FLT1: variants seen among roughly 807,000 people sequenced by gnomAD.
FLT1 encodes vascular endothelial growth factor receptor 1.
Under a neutral mutation model 156.3 loss-of-function variants are expected in FLT1, and 49 were observed. The ratio of observed to expected loss-of-function variants is 0.31; its 90% CI spans 0.25 to 0.40. The LOEUF (loss-of-function observed/expected upper bound fraction) is 0.40, where lower values mean the gene tolerates loss of function less well. Ranked by LOEUF, FLT1 falls within the 10% of genes least tolerant of loss-of-function variation. The pLI is 1.00. For synonymous variants in FLT1, 594 were observed against 583.8 expected, an observed-to-expected ratio of 1.02 and a Z score of -0.25; for missense variants, 1,322 against 1,637.2, an observed-to-expected ratio of 0.81 and a Z score of 3.32.
chr13:28,426,102 T>C (rs1030443408), intron 10 of FLT1, among the ~76,000 whole-genome samples: 2 of 151,964 alleles, frequency 1.3e-5, no homozygotes, highest in African/African-American at 4.8e-5. Context: ...TATGTTAGGA[T>C]TATGCTTTGT....
intron 25 of FLT1, among the ~76,000 whole-genome samples, chr13:28,312,594 G>A (rs1052645515): frequency 2.6e-5 from 4 of 152,112 alleles, no homozygotes; most frequent in African/African-American, 9.7e-5. Context: ...TTGTAACAAA[G>A]GTTGGTTTGA....
intron 15 of FLT1, among the ~76,000 whole-genome samples, chr13:28,346,787 T>A (rs1392048501): frequency 1.3e-5 from 2 of 152,174 alleles, no homozygotes; most frequent in Non-Finnish European, 2.9e-5. Context: ...CAAGTGAAAT[T>A]TTCTTTTTAG....
At chr13:28,346,496 G>A (rs1484279250) in intron 15 of FLT1, among the ~76,000 whole-genome samples, 1 of 151,906 alleles carries the variant, frequency 6.6e-6, no homozygotes, top group Non-Finnish European at 1.5e-5. Context: ...AAGGAGGGAA[G>A]ATTGCTGGAG....
At chr13:28,440,056 T>C (rs998897206) in intron 3 of FLT1, among the ~76,000 whole-genome samples, 1 of 152,144 alleles carries the variant, frequency 6.6e-6, no homozygotes, top group Non-Finnish European at 1.5e-5. Context: ...ATGTTAATTA[T>C]TCCCACTCAT....
intron 18 of FLT1, among the ~76,000 whole-genome samples, chr13:28,330,326 G>A (rs1184566116): frequency 6.6e-6 from 1 of 152,194 alleles, no homozygotes; most frequent in East Asian, 1.9e-4. Context: ...AGAATTAGCA[G>A]AGTCTAAAGC....
intron 1 of FLT1, among the ~76,000 whole-genome samples, chr13:28,493,842 G>GC (rs1881596080): frequency 6.6e-6 from 1 of 152,264 alleles, no homozygotes; most frequent in African/African-American, 2.4e-5. Context: ...CAAACGCCCA[G>GC]CGAAGGCTGA....
At chr13:28,451,314 T>G (rs574928650) in intron 3 of FLT1, among the ~76,000 whole-genome samples, 1 of 152,306 alleles carries the variant, frequency 6.6e-6, no homozygotes, top group Non-Finnish European at 1.5e-5. Context: ...TCCCAGCTAC[T>G]CGGGAGGCTG....
intron 15 of FLT1, among the ~76,000 whole-genome samples, chr13:28,356,944 C>T (rs796715783): frequency 2.0e-5 from 3 of 152,278 alleles, no homozygotes; most frequent in African/African-American, 7.2e-5. Flanking sequence ...TAGGATTAGG[C>T]CTCTTTGTAT....
At chr13:28,453,019 CCCCTCCCCTT>C (rs1879044947) in intron 3 of FLT1, among the ~76,000 whole-genome samples, 2 of 31,404 alleles carry the variant, frequency 6.4e-5, no homozygotes, top group African/African-American at 2.2e-4. Context: ...CCTCCCCCTC[CCCCTCCCCTT>C]TCCTTTCCTT....
chr13:28,438,571 T>C (rs1878165810), intron 3 of FLT1, among the ~76,000 whole-genome samples: 1 of 152,212 alleles, frequency 6.6e-6, no homozygotes, highest in Non-Finnish European at 1.5e-5. Flanking sequence ...TGTTGGCCTC[T>C]GATCAGATTG....
At chr13:28,427,382 ACACATGAAGGAC>A in intron 9 of FLT1, 64 bp from the exon 10 acceptor site, 1 of 1,464,654 alleles carries the variant, frequency 6.8e-7, no homozygotes, top group Non-Finnish European at 9.6e-7. Flanking sequence ...CTCCTGGGCC[ACACATGAAGGAC>A]CACATTCTCA....
chr13:28,398,712 G>A (rs1025326695), intron 11 of FLT1, among the ~76,000 whole-genome samples: 2 of 152,110 alleles, frequency 1.3e-5, no homozygotes, highest in African/African-American at 4.8e-5. Context: ...TGCAATATGT[G>A]GCAGACAATT....
chr13:28,386,306 G>C (rs1874356893), intron 13 of FLT1: 2 of 1,032,368 alleles, frequency 1.9e-6, no homozygotes, highest in Middle Eastern at 8.8e-4. Flanking sequence ...AGAAATCCCA[G>C]GTTAAAATGT....
intron 3 of FLT1, among the ~76,000 whole-genome samples, chr13:28,451,040 G>C (rs527932854): frequency 6.6e-5 from 10 of 152,186 alleles, no homozygotes; most frequent in Non-Finnish European, 1.3e-4. Flanking sequence ...GACTCACCGC[G>C]GAAACCAAGC....
intron 1 of FLT1, among the ~76,000 whole-genome samples, chr13:28,473,769 GGAAGGAAGGAAAGAAAGAAAGAAA>G (rs1593835152): frequency 4.4e-4 from 42 of 95,678 alleles, no homozygotes; most frequent in South Asian, 1.1e-3. Flanking sequence ...AAGGAAGGAA[GGAAGGAAGGAAAGAAAGAAAGAAA>G]GAAAGAAAGA....
intron 13 of FLT1, chr13:28,387,869 T>C (rs1565997640): frequency 1.9e-6 from 2 of 1,058,098 alleles, no homozygotes; most frequent in Non-Finnish European, 2.3e-6. Flanking sequence ...TAATACTCTA[T>C]GGAATTCTTA....
intron 16 of FLT1, among the ~76,000 whole-genome samples, chr13:28,343,883 C>T (rs1872451825): frequency 6.6e-6 from 1 of 151,742 alleles, no homozygotes; most frequent in African/African-American, 2.4e-5. Flanking sequence ...ATCTCATGAT[C>T]CACCTGCCTC....
chr13:28,375,250 C>A (rs1425864065), intron 14 of FLT1, among the ~76,000 whole-genome samples: 1 of 152,218 alleles, frequency 6.6e-6, no homozygotes, highest in Non-Finnish European at 1.5e-5. Context: ...CAAAATGGAA[C>A]TTTACTCATG....
At chr13:28,327,011 C>T (rs1040815258) in intron 20 of FLT1, among the ~76,000 whole-genome samples, 5 of 152,220 alleles carry the variant, frequency 3.3e-5, no homozygotes, top group African/African-American at 1.2e-4. Context: ...CTGGCCACAT[C>T]ATTGGTCTAC....
Sources: allele counts gnomAD v4.1 joint callset (sites outside exome capture counted in the v4.1 genomes callset), GRCh38; gene constraint gnomAD v4.1.1; transcripts MANE v1.5; gene names NCBI Gene and HGNC (gene_info 2026-07-23, HGNC 2026-07-21).